The following NRL variants were observed in gnomAD, a reference collection of about 807,000 sequenced individuals.
NRL encodes the protein neural retina leucine zipper.
Under a neutral mutation model 12.5 loss-of-function variants are expected in NRL, and 16 were observed. The observed-to-expected ratio is 1.28, with a 90% CI of 0.87 to 1.95. The LOEUF (loss-of-function observed/expected upper bound fraction) is 1.95, where lower values mean the gene tolerates loss of function less well. Among genes scored for constraint, NRL ranks in the 30% most tolerant of loss-of-function variants. The pLI is 0.00. For missense variants in NRL, 314 were observed against 325.8 expected (o/e 0.96, Z 0.28); for synonymous variants, 142 against 150.9 (o/e 0.94, Z 0.43).
intron 1 of NRL, chr14:24,100,498 G>A: frequency 1.2e-6 from 1 of 801,260 alleles, no homozygotes; most frequent in Non-Finnish European, 1.8e-6. Flanking sequence ...ATTGTTGGAG[G>A]ATTAAATAGT....
chr14:24,108,211 G>C (rs2037367852), intron 1 of NRL, among the ~76,000 whole-genome samples: 1 of 152,176 alleles, frequency 6.6e-6, no homozygotes, highest in South Asian at 2.1e-4. Flanking sequence ...GGCGTTTTAA[G>C]ACCACAATCT....
At chr14:24,093,951 C>G in intron 1 of NRL, 1 of 497,096 alleles carries the variant, frequency 2.0e-6, no homozygotes, top group African/African-American at 2.0e-5. Flanking sequence ...CGTCTGGCCC[C>G]TGTAGTCTCC....
At position 24,081,616 on chromosome 14, in the gene NRL, G is replaced by A; in HGVS notation, c.382-48C>T. The A allele has an allele frequency of 6.5e-7, 1 of 1,550,292 alleles. No individual in the cohort carries two copies. The highest frequency in any genetic ancestry group is 8.7e-7 in the Non-Finnish European group (1 of 1,148,118). On this transcript the variant is annotated intron_variant, in intron 2 of 2. Transcript: ENST00000561028. This position sits in a 1 kb window ranked among gnomAD's most constrained non-coding sequence, Gnocchi z 4.4. ...CCGGGTCAGCGCCAGGTCGCACCCG[G>A]CTCTGCCCTGAGGGCCCGACGCTAC...
intron 1 of NRL, among the ~76,000 whole-genome samples, chr14:24,113,747 G>A (rs577224553): frequency 3.0e-4 from 45 of 152,346 alleles, no homozygotes; most frequent in African/African-American, 9.4e-4. Context: ...AGGAGACGTC[G>A]CCCGAAAGCT....
chr14:24,091,665 C>G (rs987432048), intron 1 of NRL, among the ~76,000 whole-genome samples: 1 of 151,886 alleles, frequency 6.6e-6, no homozygotes, highest in Non-Finnish European at 1.5e-5. Flanking sequence ...GATTCAGATT[C>G]CATTTCTCCT....
At position 24,082,555 on chromosome 14, in the gene NRL, C is replaced by G; in HGVS notation, c.294G>C (p.Leu98=). The change falls in exon 2 of 3, where the codon CTG becomes CTC. Residue 98 remains leucine, a synonymous_variant. Coordinates refer to ENST00000561028, the MANE Select transcript of NRL (RefSeq NM_001354768.3). ...CAGGGACTGGGCCCTGACCCTGCAG[C>G]AGCTCCATGGCCTCTTCAGGACTCA... ...LGLSPEEAME[L]LQGQGPVPVD... is the part of the protein sequence containing the mutation. 6.2e-7 allele frequency: 1 copy of G among 1,613,596 alleles called. No homozygotes were observed. The highest frequency in any genetic ancestry group is 1.3e-5 in the African/African-American group (1 of 75,062).
At chr14:24,110,867 T>C (rs189950102) in intron 1 of NRL, among the ~76,000 whole-genome samples, 44 of 152,282 alleles carry the variant, frequency 2.9e-4, no homozygotes, top group Admixed American at 8.5e-4. Flanking sequence ...GAGGTAAAAA[T>C]AAACAAGCTA....
intron 1 of NRL, among the ~76,000 whole-genome samples, chr14:24,088,803 AT>A (rs756699961): frequency 0.11 from 12,153 of 106,388 alleles, 564 homozygotes; most frequent in South Asian, 0.13. Flanking sequence ...TGCCTGGCTA[AT>A]TTTTTTTTTT....
intron 1 of NRL, among the ~76,000 whole-genome samples, chr14:24,110,120 T>C (rs2037396266): frequency 6.9e-6 from 1 of 145,700 alleles, no homozygotes; most frequent in South Asian, 2.1e-4. Context: ...ATTATTATAC[T>C]TTTTTTTTTT....
intron 1 of NRL, among the ~76,000 whole-genome samples, chr14:24,083,542 A>G (rs763091993): frequency 4.6e-5 from 7 of 152,232 alleles, no homozygotes; most frequent in Admixed American, 4.6e-4. Flanking sequence ...CCTCAAGGCC[A>G]GTCTCTCCAA....
At chr14:24,099,192 T>C in intron 1 of NRL, 1 of 1,604,958 alleles carries the variant, frequency 6.2e-7, no homozygotes, top group Non-Finnish European at 8.5e-7. Context: ...ACGCATCGCC[T>C]CTCGGCTGGC....
At chr14:24,107,680 C>A (rs1242061447) in intron 1 of NRL, among the ~76,000 whole-genome samples, 1 of 152,132 alleles carries the variant, frequency 6.6e-6, no homozygotes, top group East Asian at 1.9e-4. Flanking sequence ...CCATTCCTTT[C>A]TTTTCCTTCA....
At chr14:24,100,678 A>G (rs2037127851) in intron 1 of NRL, 1 of 540,806 alleles carries the variant, frequency 1.8e-6, no homozygotes, top group Non-Finnish European at 2.4e-6. Context: ...AAAAGAGGAA[A>G]GCTGCCTCCT....
At chr14:24,100,931 A>G (rs374131519) in intron 1 of NRL, among the ~76,000 whole-genome samples, 2 of 152,282 alleles carry the variant, frequency 1.3e-5, no homozygotes, top group East Asian at 3.9e-4. Context: ...CTGGACCTTC[A>G]GTATTCTTTC....
At chr14:24,092,251 C>T (rs1176969792) in intron 1 of NRL, among the ~76,000 whole-genome samples, 1 of 152,156 alleles carries the variant, frequency 6.6e-6, no homozygotes, top group East Asian at 1.9e-4. Context: ...GCCTTAGAAG[C>T]TATCACCTGA....
intron 1 of NRL, among the ~76,000 whole-genome samples, chr14:24,088,254 C>T (rs565048788): frequency 1.3e-5 from 2 of 152,234 alleles, no homozygotes; most frequent in African/African-American, 4.8e-5. Context: ...CTAGGGCCCA[C>T]GTGAACCTCT....
In NRL at chr14:24,080,942, C is replaced by T. The variant is rs1053659558; in HGVS notation, c.*294G>A. 4 of 324,954 alleles carry T rather than the reference C, an allele frequency of 1.2e-5. No individual in the cohort carries two copies. The highest frequency in any genetic ancestry group is 6.4e-5 in the African/African-American group (3 of 46,688). 20.1% of individuals were successfully genotyped at this position (324,954 alleles called of 1,614,324 possible). A position where few individuals can be genotyped will look rare whatever the true frequency, so the allele number is the denominator to read the frequency against. ...CCTCCACCTCCCATTCACTGTGTCA[C>T]CACACTTCCACCCCCCAGTGCCTGG... On this transcript the variant is annotated 3_prime_UTR_variant, in exon 3 of 3. Coordinates refer to ENST00000561028, the MANE Select transcript of NRL (RefSeq NM_001354768.3).
chr14:24,082,937 G>A (rs2036366224), intron 1 of NRL, 62 bp from the exon 2 acceptor site: 5 of 1,489,608 alleles, frequency 3.4e-6, no homozygotes, highest in Non-Finnish European at 3.6e-6. Flanking sequence ...TCTTCACCAA[G>A]TCCCTCTTCC....
At chr14:24,101,793 TG>T (rs1313264279) in intron 1 of NRL, among the ~76,000 whole-genome samples, 1 of 152,108 alleles carries the variant, frequency 6.6e-6, no homozygotes, top group African/African-American at 2.4e-5. Context: ...TGGTGGCTCA[TG>T]CCTGTAATCC....
Sources: gnomAD v4.1 joint callset for allele counts (sites outside exome capture counted in the v4.1 genomes callset) on GRCh38, gnomAD v4.1.1 for gene constraint, Gnocchi (gnomAD v3.1) non-coding constraint, MANE v1.5 for transcripts, NCBI Gene and HGNC (gene_info 2026-07-23, HGNC 2026-07-21) for gene names.